The following RUBCN variants were observed in gnomAD, a reference collection of about 807,000 sequenced individuals.
RUBCN encodes run domain Beclin-1-interacting and cysteine-rich domain-containing protein.
A neutral mutation model predicts 113.2 loss-of-function variants in RUBCN; 74 were observed. That is an observed-to-expected ratio of 0.65 (90% CI 0.54 to 0.79). RUBCN has a LOEUF of 0.79. RUBCN is among the 30% of genes least tolerant of loss of function. The pLI, the probability that RUBCN is intolerant of heterozygous loss-of-function variation, is 0.00. For missense variants in RUBCN, 1,109 were observed against 1,251.7 expected, an observed-to-expected ratio of 0.89 and a Z score of 1.72; for synonymous variants, 480 against 490.0, an observed-to-expected ratio of 0.98 and a Z score of 0.27.
intron 2 of RUBCN, among the ~76,000 whole-genome samples, chr3:197,715,215 G>A (rs1200727352): frequency 1.3e-5 from 2 of 151,288 alleles, no homozygotes; most frequent in East Asian, 3.9e-4. Context: ...CTTGAACCCG[G>A]GAGGCAGAGG....
Position 197,693,635 on chromosome 3 carries a change from A to C in RUBCN, c.1786+80T>G, listed in dbSNP as rs910006397. The C allele has an allele frequency of 3.6e-5, 35 of 974,504 alleles. 1 individual carries two copies. In the Admixed American group the frequency reaches 6.4e-4, roughly 18 times the overall value. The allele number at this position is 974,504 out of a possible 1,614,324, so 60.4% of individuals were successfully genotyped here. On this transcript the variant is annotated intron_variant, in intron 11 of 19. Coordinates refer to ENST00000296343, the MANE Select transcript of RUBCN (RefSeq NM_014687.4). ...AATCCATAATGAAGATCTTCTACTT[A>C]GGAAACACTTCGCAGCTTATCATTC...
At chr3:197,699,202 CA>C (rs1723357175) in intron 7 of RUBCN, 3 of 1,550,406 alleles carry the variant, frequency 1.9e-6, no homozygotes, top group African/African-American at 1.4e-5. Context: ...ATGGGATCTT[CA>C]ACTATAATGG....
At chr3:197,684,085 C>T in intron 12 of RUBCN, 72 bp downstream of exon 12, 1 of 1,257,146 alleles carries the variant, frequency 8.0e-7, no homozygotes, top group East Asian at 2.3e-5. Flanking sequence ...AGCCATACAC[C>T]AAGAACTGGG....
intron 18 of RUBCN, chr3:197,676,315 ACAT>A: frequency 4.0e-6 from 4 of 998,876 alleles, no homozygotes; most frequent in Non-Finnish European, 4.8e-6. Context: ...CTCTCCTCTC[ACAT>A]CATGACAACT....
In RUBCN at chr3:197,681,333, C is replaced by A; in HGVS notation, c.2226G>T (p.Leu742=). The change falls in exon 16 of 20, where the codon CTG becomes CTT. Residue 742 remains leucine (L), a synonymous_variant. Transcript: ENST00000296343. The surrounding 1 kb of genome is among the most constrained non-coding windows in gnomAD (Gnocchi z 5.5). The stretch of plus-strand genomic sequence containing the variant: ...GGCAGCACTGGCAGAAGTACTTGCC[C>A]AGGTACTCACAGTACCGCAGTCGCT... ...YIKRLRYCEY[L]GKYFCQCCHE... The A allele has an allele frequency of 5.0e-6, 8 of 1,614,112 alleles. No homozygotes were observed. Among genetic ancestry groups the A allele is most frequent in the Non-Finnish European group, 6.8e-6 (8 of 1,179,960 alleles).
chr3:197,722,289 TAA>T (rs1726258675), intron 1 of RUBCN, among the ~76,000 whole-genome samples: 1 of 151,978 alleles, frequency 6.6e-6, no homozygotes. Flanking sequence ...TTTCAGTTTT[TAA>T]AAGTTTGTTG....
intron 1 of RUBCN, among the ~76,000 whole-genome samples, chr3:197,731,785 G>T (rs1263127915): frequency 6.6e-6 from 1 of 151,868 alleles, no homozygotes; most frequent in Non-Finnish European, 1.5e-5. Context: ...TGGGGCGGCT[G>T]GCCGGGCGGG....
intron 11 of RUBCN, among the ~76,000 whole-genome samples, chr3:197,691,341 C>T (rs181437784): frequency 6.6e-5 from 10 of 152,198 alleles, no homozygotes; most frequent in Admixed American, 4.6e-4. Context: ...CTACGCCAAG[C>T]CCAGCCTCAA....
chr3:197,715,596 G>C (rs1320745277), intron 2 of RUBCN, among the ~76,000 whole-genome samples: 2 of 152,126 alleles, frequency 1.3e-5, no homozygotes, highest in Admixed American at 6.5e-5. Flanking sequence ...GAGGTAGACA[G>C]ATGCTACCTC....
At chr3:197,680,288 C>T (rs1721056322) in intron 16 of RUBCN, among the ~76,000 whole-genome samples, 1 of 131,040 alleles carries the variant, frequency 7.6e-6, no homozygotes, top group Non-Finnish European at 1.6e-5. Flanking sequence ...TCAGACTGTC[C>T]TACGCTCTGA....
intron 2 of RUBCN, among the ~76,000 whole-genome samples, chr3:197,706,865 G>A (rs963244871): frequency 1.3e-5 from 2 of 152,116 alleles, no homozygotes; most frequent in Non-Finnish European, 2.9e-5. Context: ...AGTGAGAACC[G>A]GAAATGTCAG....
In RUBCN at chr3:197,675,261, G is replaced by T; in HGVS notation, c.2741-65C>A. Reference sequence around the variant, plus strand: ...TTGTATTATCTCCAGCTAGAGGTCAGTTGCTGCCACAGCCCCTTCTCGCCA... The same window carrying T: ...TTGTATTATCTCCAGCTAGAGGTCATTTGCTGCCACAGCCCCTTCTCGCCA... On this transcript the variant is annotated intron_variant, in intron 19 of 19. Coordinates refer to ENST00000296343, the MANE Select transcript of RUBCN (RefSeq NM_014687.4). This position sits in a 1 kb window ranked among gnomAD's most constrained non-coding sequence, Gnocchi z 4.4. 6.3e-7 allele frequency: 1 copy of T among 1,593,166 alleles called. No homozygotes were observed. Among genetic ancestry groups the T allele is most frequent in the East Asian group, 2.2e-5 (1 of 44,796 alleles).
At chr3:197,693,598 A>G (rs765329204) in intron 11 of RUBCN, 117 bp downstream of exon 11, 152 of 764,702 alleles carry the variant, frequency 2.0e-4, no homozygotes, top group Non-Finnish European at 2.9e-4. Flanking sequence ...GTCCCTTACA[A>G]TAGCTAACAA....
chr3:197,678,609 C>T lies in RUBCN; in HGVS notation c.2431-1068G>A, dbSNP rs1408017637. On this transcript the variant is annotated intron_variant, in intron 16 of 19. Coordinates refer to ENST00000296343, the MANE Select transcript of RUBCN (RefSeq NM_014687.4). ...TGACAACTGGCTCCAGACTGTCCTACGCTCTGACAACTGGCTCCAGACTGT... is the reference window on the plus strand; with the variant it reads ...TGACAACTGGCTCCAGACTGTCCTATGCTCTGACAACTGGCTCCAGACTGT... 4.6e-5 allele frequency among the ~76,000 whole-genome samples: 7 copies of T among 151,402 alleles called. No individual in the cohort carries two copies. In the East Asian group the frequency reaches 5.9e-4, roughly 13 times the overall value.
chr3:197,736,932 C>T, upstream of RUBCN: 2 of 1,342,802 alleles, frequency 1.5e-6, no homozygotes, highest in African/African-American at 1.6e-5. Flanking sequence ...GGGACTACAG[C>T]CCCCGGCGAG....
chr3:197,740,867 C>T (rs964612731), upstream of RUBCN, among the ~76,000 whole-genome samples: 4 of 152,084 alleles, frequency 2.6e-5, no homozygotes, highest in East Asian at 7.7e-4. Context: ...GTGACCTGCC[C>T]ACCTCAGCCT....
intron 2 of RUBCN, among the ~76,000 whole-genome samples, chr3:197,707,974 A>T (rs191134278): frequency 1.7e-3 from 261 of 152,146 alleles, no homozygotes; most frequent in South Asian, 3.5e-3. Context: ...AAAAAAAAAA[A>T]AATAATAATA....
At chr3:197,676,399 C>A in intron 18 of RUBCN, 1 of 839,560 alleles carries the variant, frequency 1.2e-6, no homozygotes, top group Non-Finnish European at 1.5e-6. Context: ...CTGCAACCTC[C>A]GCCTCCTGGA....
chr3:197,671,676 C>A lies in RUBCN; in HGVS notation c.*3342G>T, dbSNP rs565105887. Reference sequence around the variant, plus strand: ...AGCGTAGAGCTGGAGCTCCAGTGGGCCAGGAGCAGAAGAGAAAGATGCTAG... The same window carrying A: ...AGCGTAGAGCTGGAGCTCCAGTGGGACAGGAGCAGAAGAGAAAGATGCTAG... On this transcript the variant is annotated 3_prime_UTR_variant, in exon 20 of 20. Coordinates refer to ENST00000296343, the MANE Select transcript of RUBCN (RefSeq NM_014687.4). The A allele has an allele frequency of 6.6e-6, 1 of 152,226 alleles. No homozygotes were observed. The highest frequency in any genetic ancestry group is 1.9e-4 in the East Asian group (1 of 5,192). The allele number at this position is 152,226 out of a possible 1,614,324, so 9.4% of individuals were successfully genotyped here. A position where few individuals can be genotyped will look rare whatever the true frequency, so the allele number is the denominator to read the frequency against.
Sources: gnomAD v4.1 joint callset for allele counts (sites outside exome capture counted in the v4.1 genomes callset) on GRCh38, gnomAD v4.1.1 for gene constraint, Gnocchi (gnomAD v3.1) non-coding constraint, MANE v1.5 for transcripts, NCBI Gene and HGNC (gene_info 2026-07-23, HGNC 2026-07-21) for gene names.